The following LINGO2 variants were observed in gnomAD, a reference collection of about 807,000 sequenced individuals.
LINGO2 encodes leucine rich repeat and Ig domain containing 2.
Under a neutral mutation model 30.6 loss-of-function variants are expected in LINGO2, and 14 were observed. The observed-to-expected ratio is 0.46, with a 90% CI of 0.30 to 0.72. The LOEUF (loss-of-function observed/expected upper bound fraction) is 0.72. LINGO2 is among the 30% of genes least tolerant of loss of function. LINGO2 has a pLI of 0.07. For missense variants in LINGO2, 729 were observed against 751.7 expected, an observed-to-expected ratio of 0.97 and a Z score of 0.35; for synonymous variants, 317 against 288.5, an observed-to-expected ratio of 1.10 and a Z score of -1.00.
chr9:28,827,276 T>C, the LINGO2 span, among the ~76,000 whole-genome samples: 2 of 152,186 alleles, frequency 1.3e-5, no homozygotes, highest in African/African-American at 4.8e-5. Context: ...GTGAGCTCAT[T>C]GATTTTTGAG....
chr9:28,955,416 T>A, the LINGO2 span, among the ~76,000 whole-genome samples: 31 of 152,136 alleles, frequency 2.0e-4, no homozygotes, highest in Non-Finnish European at 4.3e-4. Flanking sequence ...TCTGCTTGCA[T>A]GTGGATTAGG....
chr9:28,219,763 CAT>C (rs1326099969), intron 4 of LINGO2, among the ~76,000 whole-genome samples: 1 of 152,138 alleles, frequency 6.6e-6, no homozygotes, highest in Non-Finnish European at 1.5e-5. Context: ...GGAGCTGCTG[CAT>C]AGTCTGTGCA....
At chr9:28,828,380 C>T in the LINGO2 span, among the ~76,000 whole-genome samples, 1 of 151,936 alleles carries the variant, frequency 6.6e-6, no homozygotes, top group Admixed American at 6.6e-5. Flanking sequence ...CATATATGAT[C>T]TAGCAATGAT....
At chr9:28,777,514 G>T in the LINGO2 span, among the ~76,000 whole-genome samples, 2 of 152,156 alleles carry the variant, frequency 1.3e-5, no homozygotes, top group Non-Finnish European at 2.9e-5. Context: ...GAAAAACAAA[G>T]TTTTCTGTAG....
the LINGO2 span, among the ~76,000 whole-genome samples, chr9:28,769,395 T>A: frequency 7.0e-6 from 1 of 143,318 alleles, no homozygotes; most frequent in Admixed American, 7.1e-5. Context: ...TTTCTTTAAG[T>A]ACAAGACATT....
intron 3 of LINGO2, among the ~76,000 whole-genome samples, chr9:28,301,274 T>C (rs539378976): frequency 5.3e-5 from 8 of 152,210 alleles, no homozygotes; most frequent in African/African-American, 1.9e-4. Context: ...GAGATCCTCC[T>C]TTGTAACTAT....
chr9:28,914,589 AT>A, the LINGO2 span, among the ~76,000 whole-genome samples: 3 of 151,612 alleles, frequency 2.0e-5, no homozygotes, highest in South Asian at 2.1e-4. Context: ...TTATACATGG[AT>A]TTTTTTTTCA....
the LINGO2 span, among the ~76,000 whole-genome samples, chr9:28,792,237 GAGAAA>G: frequency 6.6e-6 from 1 of 151,832 alleles, no homozygotes. Flanking sequence ...GATAAGAGAA[GAGAAA>G]AGAAAGAAGG....
the LINGO2 span, among the ~76,000 whole-genome samples, chr9:28,947,838 A>T: frequency 6.6e-6 from 1 of 152,048 alleles, no homozygotes; most frequent in Non-Finnish European, 1.5e-5. Flanking sequence ...AGCAATTTCA[A>T]CATGGATGCT....
At chr9:28,974,833 T>G in the LINGO2 span, among the ~76,000 whole-genome samples, 1 of 152,014 alleles carries the variant, frequency 6.6e-6, no homozygotes, top group Non-Finnish European at 1.5e-5. Flanking sequence ...ATTTTAAAGA[T>G]GAGAAAATCC....
Position 28,440,541 on chromosome 9 carries a change from T to G in LINGO2, c.-279+35399A>C, listed in dbSNP as rs1564200741. On this transcript the variant is annotated intron_variant, in intron 2 of 5. Coordinates refer to ENST00000379992, the Ensembl canonical transcript of LINGO2. ...AATTCTTCCTATATTTTTGGCTTCT[T>G]AAACCTTCCAGAGCTTAAGTGTAGT... Among the ~76,000 whole-genome samples, 3 of 152,296 alleles carry G rather than the reference T, an allele frequency of 2.0e-5. No individual in the cohort carries two copies. In the East Asian group the frequency reaches 5.8e-4, roughly 29 times the overall value.
At chr9:29,174,032 T>C in the LINGO2 span, among the ~76,000 whole-genome samples, 3 of 151,734 alleles carry the variant, frequency 2.0e-5, no homozygotes, top group African/African-American at 7.3e-5. Context: ...ATGTTGTTTA[T>C]AAAAAACTAT....
chr9:28,861,239 ATAT>A, the LINGO2 span, among the ~76,000 whole-genome samples: 1 of 112,098 alleles, frequency 8.9e-6, no homozygotes, highest in Non-Finnish European at 1.7e-5. Flanking sequence ...TATATAATAT[ATAT>A]TTTTTATACA....
chr9:28,461,820 ATTG>A (rs1480322846), intron 2 of LINGO2, among the ~76,000 whole-genome samples: 1 of 152,190 alleles, frequency 6.6e-6, no homozygotes, highest in East Asian at 1.9e-4. Flanking sequence ...AAGAAAAGTA[ATTG>A]TTGTGCAGTC....
rs60495755 is a variant in LINGO2, at chr9:28,560,322, C to G, written c.-364-84297G>C. The stretch of plus-strand genomic sequence containing the variant: ...AGTTGCTCCCCATAATGTGGGTGTG[C>G]CTCATCTAATCAGTTGAAGGATTAG... On this transcript the variant is annotated intron_variant, in intron 1 of 5. Transcript: ENST00000379992. Among the ~76,000 whole-genome samples the G allele has an allele frequency of 7.6e-3, 1,156 of 152,060 alleles. 37 individuals carry two copies. The East Asian group carries it at 0.096, about 13-fold the overall frequency.
chr9:28,398,323 T>C (rs1822135049), intron 2 of LINGO2, among the ~76,000 whole-genome samples: 1 of 152,226 alleles, frequency 6.6e-6, no homozygotes, highest in South Asian at 2.1e-4. Context: ...TAATTTAATA[T>C]ACAAATATAT....
chr9:29,030,320 T>C, the LINGO2 span, among the ~76,000 whole-genome samples: 1 of 152,250 alleles, frequency 6.6e-6, no homozygotes, highest in East Asian at 1.9e-4. Context: ...ATGCATACTT[T>C]TAATTTTAAG....
the LINGO2 span, among the ~76,000 whole-genome samples, chr9:29,179,158 A>AATATATATATATATAT: frequency 7.5e-4 from 76 of 101,606 alleles, no homozygotes; most frequent in African/African-American, 8.8e-4. Flanking sequence ...TCTTACTGTA[A>AATATATATATATATAT]ATATATATAT....
the LINGO2 span, among the ~76,000 whole-genome samples, chr9:29,141,053 G>A: frequency 8.6e-5 from 13 of 152,010 alleles, no homozygotes; most frequent in Non-Finnish European, 1.8e-4. Flanking sequence ...AGTCCTTCAT[G>A]TTGAAATGAA....
Sources: gnomAD v4.1 joint callset for allele counts (sites outside exome capture counted in the v4.1 genomes callset) on GRCh38, gnomAD v4.1.1 for gene constraint, MANE v1.5 for transcripts, NCBI Gene and HGNC (gene_info 2026-07-23, HGNC 2026-07-21) for gene names.